Variants in FOCAD observed in about 807,000 individuals in gnomAD.
FOCAD encodes the protein focadhesin, also known as KIAA1797.
In FOCAD, 198 loss-of-function variants were observed where a neutral mutation model predicts 225.6. The ratio of observed to expected loss-of-function variants is 0.88; its 90% CI spans 0.78 to 0.99. The LOEUF (loss-of-function observed/expected upper bound fraction) is 0.99. FOCAD is among the 50% of genes least tolerant of loss of function. The pLI is 0.00. For synonymous variants in FOCAD, 897 were observed against 755.0 expected (o/e 1.19, Z -3.08); for missense variants, 2,713 against 2,123.6 (o/e 1.28, Z -5.46).
chr9:20,685,196 A>ATTTTTTTTTTTTTTTTTTTTTTTTTTTT (rs397959541), intron 1 of FOCAD, among the ~76,000 whole-genome samples: 1 of 143,066 alleles, frequency 7.0e-6, no homozygotes, highest in African/African-American at 2.6e-5. Context: ...TGAGTTGGAA[A>ATTTTTTTTTTTTTTTTTTTTTTTTTTTT]TTTTTTTTTT....
At chr9:20,726,901 G>A (rs886921982) in intron 4 of FOCAD, among the ~76,000 whole-genome samples, 1 of 152,020 alleles carries the variant, frequency 6.6e-6, no homozygotes, top group African/African-American at 2.4e-5. Context: ...ATTTTATTTG[G>A]CAGGAGAAGA....
At position 20,701,042 on chromosome 9, in the gene FOCAD, A is replaced by C. The variant is rs75364098; in HGVS notation, c.-32-14280A>C. Reference sequence around the variant, plus strand: ...TATATAGATGGAAACTAGGCCCTTCAGAATGAGACAAGAATGTCTTGAGGA... The same window carrying C: ...TATATAGATGGAAACTAGGCCCTTCCGAATGAGACAAGAATGTCTTGAGGA... On this transcript the variant is annotated intron_variant, in intron 1 of 43. Coordinates refer to ENST00000338382, the MANE Select transcript of FOCAD (RefSeq NM_001375567.1). 3.3e-3 allele frequency among the ~76,000 whole-genome samples: 509 copies of C among 152,324 alleles called. 2 individuals are homozygous for C. The highest frequency in any genetic ancestry group is 0.012 in the African/African-American group (482 of 41,580).
At chr9:20,992,846 C>T (rs1841783401) in intron 42 of FOCAD, among the ~76,000 whole-genome samples, 1 of 152,000 alleles carries the variant, frequency 6.6e-6, no homozygotes, top group African/African-American at 2.4e-5. Flanking sequence ...GCCTATAGTC[C>T]CCGCTGCTCT....
chr9:20,952,227 A>T (rs1038813125), intron 34 of FOCAD, among the ~76,000 whole-genome samples: 3 of 152,134 alleles, frequency 2.0e-5, no homozygotes, highest in Non-Finnish European at 2.9e-5. Context: ...GGTCTGGCCT[A>T]CATATACTCA....
intron 14 of FOCAD, among the ~76,000 whole-genome samples, chr9:20,822,221 C>T (rs2131428420): frequency 6.6e-6 from 1 of 152,070 alleles, no homozygotes; most frequent in East Asian, 1.9e-4. Flanking sequence ...TTACTACCTC[C>T]AGATCTGTCA....
chr9:20,767,006 G>A lies in FOCAD; in HGVS notation c.699+1933G>A, dbSNP rs1830107263. Among the ~76,000 whole-genome samples, 5 of 151,692 alleles carry A rather than the reference G, an allele frequency of 3.3e-5. No individual in the cohort carries two copies. In the South Asian group the frequency reaches 8.3e-4, roughly 25 times the overall value. The stretch of plus-strand genomic sequence containing the variant: ...CACCCCACCACAGTCCCCAGAATGT[G>A]ATATTCCCCTTCCTGTGTCCATGTG... On this transcript the variant is annotated intron_variant, in intron 7 of 43. Transcript: ENST00000338382.
At chr9:20,769,088 A>C (rs895614099) in intron 7 of FOCAD, among the ~76,000 whole-genome samples, 1 of 152,074 alleles carries the variant, frequency 6.6e-6, no homozygotes, top group Non-Finnish European at 1.5e-5. Context: ...TGACTTTCCT[A>C]CTGTGTGTTT....
At chr9:20,973,968 G>GA (rs1840004326) in intron 35 of FOCAD, among the ~76,000 whole-genome samples, 2 of 99,938 alleles carry the variant, frequency 2.0e-5, no homozygotes, top group African/African-American at 3.7e-5. Flanking sequence ...TTCTGTAGCT[G>GA]TTTTTTTCCT....
upstream of FOCAD, among the ~76,000 whole-genome samples, chr9:20,680,068 C>T (rs538578298): frequency 2.0e-4 from 30 of 152,314 alleles, no homozygotes; most frequent in South Asian, 6.2e-3. Flanking sequence ...ATAGCTCAAT[C>T]AAAATTTAAC....
In FOCAD at chr9:20,866,917, T is replaced by TTTTTAACAAA; in HGVS notation, c.2107-12_2107-11insTTTTAACAAA. The TTTTTAACAAA allele has an allele frequency of 1.3e-6, 1 of 764,972 alleles. No individual in the cohort carries two copies. Among genetic ancestry groups the TTTTTAACAAA allele is most frequent in the Non-Finnish European group, 2.0e-6 (1 of 498,468 alleles). The allele number at this position is 764,972 out of a possible 1,614,324, so 47.4% of individuals were successfully genotyped here. A position where few individuals can be genotyped will look rare whatever the true frequency, so the allele number is the denominator to read the frequency against. On this transcript the variant is annotated splice_polypyrimidine_tract_variant and intron_variant, in intron 17 of 43. Coordinates refer to ENST00000338382, the MANE Select transcript of FOCAD (RefSeq NM_001375567.1). ...TTTTTTTTTTTTTTTTTTTTTTTTT[T>TTTTTAACAAA]ACCCTATCTAGGACCCAATTGTAGC...
chr9:20,941,539 C>G (rs1836660833), intron 28 of FOCAD, among the ~76,000 whole-genome samples: 1 of 152,116 alleles, frequency 6.6e-6, no homozygotes, highest in Admixed American at 6.5e-5. Context: ...AAATATATAT[C>G]TGAGTTGATG....
intron 22 of FOCAD, among the ~76,000 whole-genome samples, chr9:20,909,910 T>A (rs570747384): frequency 6.6e-6 from 1 of 152,120 alleles, no homozygotes; most frequent in African/African-American, 2.4e-5. Flanking sequence ...TGGTGCTAGA[T>A]GTATTTTTTA....
rs2131177685 is a variant in FOCAD at position 20,789,480 on chromosome 9, C to T, written c.1327C>T (p.Pro443Ser). ...GTTGGCTTCAGTAGAGTCATTGCTTCCTATTACTGCTGTGATCCCTGCGCC... is the reference window on the plus strand; with the variant it reads ...GTTGGCTTCAGTAGAGTCATTGCTTTCTATTACTGCTGTGATCCCTGCGCC... Reference protein sequence around the residue: ...DWLASVESLLPITAVIPAPAF... With the variant: ...DWLASVESLLSITAVIPAPAF... The change falls in exon 11 of 44, where the codon CCT becomes TCT. Residue 443 changes from proline to serine, a missense_variant. Transcript: ENST00000338382. 6.2e-7 allele frequency: 1 copy of T among 1,613,938 alleles called. No individual in the cohort carries two copies. The highest frequency in any genetic ancestry group is 1.3e-5 in the African/African-American group (1 of 75,002).
At chr9:20,663,474 A>AGC (rs1554648791) in intron 2 of FOCAD, among the ~76,000 whole-genome samples, 1 of 148,966 alleles carries the variant, frequency 6.7e-6, no homozygotes, top group Non-Finnish European at 1.5e-5. Flanking sequence ...TGTGTGCATG[A>AGC]ACACACACAC....
chr9:20,907,095 T>G (rs1833042133), intron 21 of FOCAD, 55 bp from the exon 22 acceptor site: 10 of 1,373,024 alleles, frequency 7.3e-6, no homozygotes, highest in Non-Finnish European at 1.0e-5. Context: ...AGTTTTAATT[T>G]TATTCTTTTT....
chr9:20,759,778 T>A (rs1271576229), intron 6 of FOCAD, among the ~76,000 whole-genome samples: 1 of 152,172 alleles, frequency 6.6e-6, no homozygotes, highest in Non-Finnish European at 1.5e-5. Flanking sequence ...AAGTTAAGCA[T>A]TGGTAAGTGG....
intron 11 of FOCAD, 61 bp downstream of exon 11, chr9:20,789,669 T>G: frequency 6.3e-7 from 1 of 1,576,754 alleles, no homozygotes; most frequent in Non-Finnish European, 8.7e-7. Flanking sequence ...GAAATGTAGA[T>G]TATTCCTGCT....
intron 22 of FOCAD, among the ~76,000 whole-genome samples, chr9:20,908,691 G>GTGAA (rs1159826024): frequency 6.6e-6 from 1 of 152,104 alleles, no homozygotes; most frequent in Non-Finnish European, 1.5e-5. Context: ...AAATGCATGA[G>GTGAA]TGAATGAATG....
intron 11 of FOCAD, among the ~76,000 whole-genome samples, chr9:20,793,367 T>C (rs1029385294): frequency 7.2e-5 from 11 of 152,226 alleles, no homozygotes; most frequent in Non-Finnish European, 1.0e-4. Context: ...CAGCTGGCAT[T>C]TGATCCCTTT....
Sources: gnomAD v4.1 joint callset for allele counts (sites outside exome capture counted in the v4.1 genomes callset) on GRCh38, gnomAD v4.1.1 for gene constraint, MANE v1.5 for transcripts, NCBI Gene and HGNC (gene_info 2026-07-23, HGNC 2026-07-21) for gene names.